The following DISC1 variants were observed in gnomAD, a reference collection of about 807,000 sequenced individuals.
DISC1 encodes DISC1 scaffold protein, also known as disrupted in schizophrenia 1 protein.
In DISC1, 57 loss-of-function variants were observed where a neutral mutation model predicts 84.5. The ratio of observed to expected loss-of-function variants is 0.67; its 90% CI spans 0.55 to 0.84. The LOEUF (loss-of-function observed/expected upper bound fraction) is 0.84. Ranked by LOEUF, DISC1 falls within the 40% of genes least tolerant of loss-of-function variation. The pLI, the probability that DISC1 is intolerant of heterozygous loss-of-function variation, is 0.00. For missense variants in DISC1, 1,000 were observed against 1,057.8 expected (o/e 0.95, Z 0.76); for synonymous variants, 411 against 415.2 (o/e 0.99, Z 0.12).
chr1:231,636,048 G>A (rs1292830357), intron 1 of DISC1, among the ~76,000 whole-genome samples: 4 of 152,136 alleles, frequency 2.6e-5, no homozygotes, highest in Admixed American at 2.0e-4. Flanking sequence ...GATAGATGGA[G>A]GAAGAAAGAA....
chr1:232,030,202 G>A (rs1003340089), intron 12 of DISC1, among the ~76,000 whole-genome samples: 1 of 152,168 alleles, frequency 6.6e-6, no homozygotes, highest in African/African-American at 2.4e-5. Context: ...AGTCTCTAGT[G>A]CATTTTCACA....
chr1:231,636,963 C>A (rs1288000445), intron 1 of DISC1, among the ~76,000 whole-genome samples: 1 of 152,076 alleles, frequency 6.6e-6, no homozygotes, highest in African/African-American at 2.4e-5. Flanking sequence ...TTGACCCCTA[C>A]CCCCCAGCAG....
chr1:231,993,534 G>T lies in DISC1; in HGVS notation c.2043-15251G>T, dbSNP rs151010662. Among the ~76,000 whole-genome samples the T allele has an allele frequency of 1.4e-4, 21 of 152,256 alleles. No homozygotes were observed. In the East Asian group the frequency reaches 3.9e-3, roughly 28 times the overall value. On this transcript the variant is annotated intron_variant, in intron 10 of 12. Transcript: ENST00000439617. ...TTCTCAGTTTATAATCTGTAAGAGG[G>T]TACTGGGGCTGAGGAAAATAACAAG...
At chr1:231,829,155 A>C (rs113077273) in intron 9 of DISC1, among the ~76,000 whole-genome samples, 4 of 152,312 alleles carry the variant, frequency 2.6e-5, no homozygotes, top group African/African-American at 9.6e-5. Flanking sequence ...ATTGGGATTA[A>C]TGACCCAAAG....
chr1:231,702,223 G>T lies in DISC1; in HGVS notation c.1117+199G>T, dbSNP rs1287818299. ...TACTTCATGAACATTAATCCTTTGG[G>T]TTATAAATATAACCTTATCAATTGT... On this transcript the variant is annotated intron_variant, in intron 3 of 12. Transcript: ENST00000439617. The T allele has an allele frequency of 1.8e-5, 24 of 1,312,056 alleles. No individual in the cohort carries two copies. The East Asian group carries it at 4.1e-4, about 22-fold the overall frequency. 81.3% of individuals were successfully genotyped at this position (1,312,056 alleles called of 1,614,324 possible).
At chr1:231,958,708 G>C in intron 9 of DISC1, 120 bp from the exon 10 acceptor site, 1 of 1,010,082 alleles carries the variant, frequency 9.9e-7, no homozygotes, top group Non-Finnish European at 1.5e-6. Context: ...TCCAAACATA[G>C]AATGTTACGA....
chr1:231,798,762 G>T (rs897799413), intron 7 of DISC1, among the ~76,000 whole-genome samples: 2 of 152,136 alleles, frequency 1.3e-5, no homozygotes, highest in East Asian at 3.9e-4. Flanking sequence ...CCAAACTGTC[G>T]TCTTCATCCA....
intron 3 of DISC1, among the ~76,000 whole-genome samples, chr1:231,731,997 G>C (rs1558441972): frequency 6.6e-6 from 1 of 152,206 alleles, no homozygotes; most frequent in Non-Finnish European, 1.5e-5. Context: ...CTAGTAAAGA[G>C]TAAAATTAAG....
At chr1:232,029,230 C>T (rs1412585553) in intron 12 of DISC1, among the ~76,000 whole-genome samples, 3 of 152,136 alleles carry the variant, frequency 2.0e-5, no homozygotes, top group East Asian at 1.9e-4. Flanking sequence ...AAATCTACAC[C>T]ACGATATGGA....
chr1:232,032,425 G>A (rs943666820), intron 12 of DISC1, among the ~76,000 whole-genome samples: 1 of 152,122 alleles, frequency 6.6e-6, no homozygotes, highest in African/African-American at 2.4e-5. Context: ...CACCTGTCCT[G>A]CTGTCTTACT....
intron 1 of DISC1, among the ~76,000 whole-genome samples, chr1:231,661,286 C>G (rs2061546077): frequency 6.6e-6 from 1 of 151,958 alleles, no homozygotes; most frequent in Admixed American, 6.6e-5. Context: ...GAATATTGGC[C>G]TATCTTGCCA....
chr1:232,028,818 A>G (rs1237138685), intron 12 of DISC1, among the ~76,000 whole-genome samples: 1 of 152,240 alleles, frequency 6.6e-6, no homozygotes, highest in Non-Finnish European at 1.5e-5. Context: ...TTTGTAATAA[A>G]TGCTTGAAGG....
At chr1:231,749,444 G>C (rs1438693571) in intron 3 of DISC1, among the ~76,000 whole-genome samples, 1 of 152,160 alleles carries the variant, frequency 6.6e-6, no homozygotes, top group Non-Finnish European at 1.5e-5. Flanking sequence ...GTCATCTATA[G>C]CATGGTAGAA....
chr1:231,746,188 A>G (rs1381969686), intron 3 of DISC1, among the ~76,000 whole-genome samples: 2 of 152,246 alleles, frequency 1.3e-5, no homozygotes, highest in Non-Finnish European at 2.9e-5. Context: ...TAGCTTCCAC[A>G]TATGAGTGAA....
chr1:231,912,028 C>T (rs112423563), intron 9 of DISC1, among the ~76,000 whole-genome samples: 60 of 152,288 alleles, frequency 3.9e-4, no homozygotes, highest in African/African-American at 1.4e-3. Context: ...TCCATAAAGT[C>T]ATTTAAGGTC....
At chr1:231,995,094 TTTTC>T (rs2102935689) in intron 10 of DISC1, among the ~76,000 whole-genome samples, 1 of 152,326 alleles carries the variant, frequency 6.6e-6, no homozygotes, top group South Asian at 2.1e-4. Context: ...TAGTATTACT[TTTTC>T]TTTCTTAGAA....
At chr1:231,981,411 A>G (rs1056366930) in intron 10 of DISC1, among the ~76,000 whole-genome samples, 6 of 152,236 alleles carry the variant, frequency 3.9e-5, no homozygotes, top group Admixed American at 3.9e-4. Flanking sequence ...AGACTGCTCT[A>G]GTAGAACAGA....
At chr1:231,683,799 C>T (rs940078705) in intron 1 of DISC1, among the ~76,000 whole-genome samples, 2 of 152,018 alleles carry the variant, frequency 1.3e-5, no homozygotes, top group African/African-American at 4.8e-5. Flanking sequence ...TCCTCTCGGT[C>T]CCCACCTGGA....
At chr1:231,952,717 A>T (rs991103307) in intron 9 of DISC1, among the ~76,000 whole-genome samples, 1 of 144,424 alleles carries the variant, frequency 6.9e-6, no homozygotes, top group Non-Finnish European at 1.5e-5. Flanking sequence ...ATATATATGT[A>T]TATATATATA....
Sources: gnomAD v4.1 joint callset for allele counts (sites outside exome capture counted in the v4.1 genomes callset) on GRCh38, gnomAD v4.1.1 for gene constraint, MANE v1.5 for transcripts, NCBI Gene and HGNC (gene_info 2026-07-23, HGNC 2026-07-21) for gene names.